The following GRIN3A variants were observed in gnomAD, a reference collection of about 807,000 sequenced individuals.
The protein encoded by GRIN3A is glutamate receptor ionotropic, NMDA 3A.
In GRIN3A, 47 loss-of-function variants were observed where a neutral mutation model predicts 92.4. That is an observed-to-expected ratio of 0.51 (90% CI 0.40 to 0.65). The LOEUF is 0.65. Ranked by LOEUF, GRIN3A falls within the 30% of genes least tolerant of loss-of-function variation. The pLI is 0.00. For synonymous variants in GRIN3A, 527 were observed against 540.6 expected (o/e 0.97, Z 0.35); for missense variants, 1,324 against 1,393.1 (o/e 0.95, Z 0.79).
chr9:101,630,489 A>G (rs1828696795), intron 3 of GRIN3A, among the ~76,000 whole-genome samples: 1 of 152,320 alleles, frequency 6.6e-6, no homozygotes, highest in African/African-American at 2.4e-5. Context: ...CTTTTTACAT[A>G]AAGAAACTGA....
intron 3 of GRIN3A, among the ~76,000 whole-genome samples, chr9:101,658,510 C>A (rs1419876099): frequency 6.6e-6 from 1 of 151,760 alleles, no homozygotes; most frequent in African/African-American, 2.4e-5. Context: ...GCCTTCAGGT[C>A]ATGCACAGAA....
Position 101,737,310 on chromosome 9 carries a change from C to T in GRIN3A, c.670G>A (p.Val224Met). ...CTCTCCCGTGGAAACTCGTGGCGCA[C>T]GATGCTGATCACTGGAATGTGCAGG... ...LVLHIPVISI[V>M]RHEFPRESQN... The change falls in exon 1 of 9, where the codon GTG becomes ATG. Residue 224 changes from valine to methionine, a missense_variant. By Grantham distance (21) the Val-to-Met change is conservative (BLOSUM62 1). Coordinates refer to ENST00000361820, the MANE Select transcript of GRIN3A (RefSeq NM_133445.3). 1 of 1,614,126 alleles carries T rather than the reference C, an allele frequency of 6.2e-7. No individual in the cohort carries two copies. Among genetic ancestry groups the T allele is most frequent in the East Asian group, 2.2e-5 (1 of 44,846 alleles).
rs1827786673 is a variant in GRIN3A at position 101,573,426 on chromosome 9, C to T, written c.3096G>A (p.Glu1032=). 6.2e-7 allele frequency: 1 copy of T among 1,613,924 alleles called. No individual in the cohort carries two copies. The highest frequency in any genetic ancestry group is 1.3e-5 in the African/African-American group (1 of 74,894). The change falls in exon 9 of 9, where the codon GAG becomes GAA. Residue 1032 remains glutamate (E), a synonymous_variant. Transcript: ENST00000361820. ...GGATGCCCAGCTGGTTTTGTCCTTCCTCATCACTAAAGATGTATTTCCGTC... is the reference window on the plus strand; with the variant it reads ...GGATGCCCAGCTGGTTTTGTCCTTCTTCATCACTAAAGATGTATTTCCGTC... ...DNRRKYIFSD[E]EGQNQLGIRI...
intron 3 of GRIN3A, among the ~76,000 whole-genome samples, chr9:101,629,516 G>A (rs890735297): frequency 6.6e-6 from 1 of 152,096 alleles, no homozygotes; most frequent in African/African-American, 2.4e-5. Context: ...TGCCATATAG[G>A]AACTCTTAAA....
chr9:101,724,086 C>G (rs946057074), intron 1 of GRIN3A, among the ~76,000 whole-genome samples: 27 of 152,342 alleles, frequency 1.8e-4, no homozygotes, highest in Admixed American at 1.8e-3. Flanking sequence ...GCAGGTGGAG[C>G]TGCCTGCCAG....
Position 101,670,646 on chromosome 9 carries a change from T to G in GRIN3A, c.1766A>C (p.Glu589Ala). The change falls in exon 3 of 9, where the codon GAA (glutamate) becomes GCA (alanine). Residue 589 changes from glutamate (E) to alanine (A), a missense_variant. Physicochemically the swap from Glu to Ala is moderately radical, Grantham distance 107. Transcript: ENST00000361820. ...YCIDLLEKIAEDMNFDFDLYI... is the reference protein window; with the variant it reads ...YCIDLLEKIAADMNFDFDLYI... Reference sequence around the variant, plus strand: ...GAGGTCGAAGTCAAAGTTCATGTCTTCTGCTATCTTTTCCAGCAGATCAAT... The same window carrying G: ...GAGGTCGAAGTCAAAGTTCATGTCTGCTGCTATCTTTTCCAGCAGATCAAT... 1 of 1,614,070 alleles carries G rather than the reference T, an allele frequency of 6.2e-7. No individual in the cohort carries two copies. The highest frequency in any genetic ancestry group is 8.5e-7 in the Non-Finnish European group (1 of 1,179,954).
intron 2 of GRIN3A, among the ~76,000 whole-genome samples, chr9:101,672,294 T>A (rs12348469): frequency 0.33 from 50,861 of 152,084 alleles, 9,436 homozygotes; most frequent in Non-Finnish European, 0.41. Flanking sequence ...TACATCTAAC[T>A]TGGAACAAAT....
intron 6 of GRIN3A, among the ~76,000 whole-genome samples, chr9:101,605,458 C>T (rs1166328744): frequency 6.6e-6 from 1 of 152,166 alleles, no homozygotes; most frequent in African/African-American, 2.4e-5. Flanking sequence ...TACTTTTGCA[C>T]CTATACCATG....
intron 4 of GRIN3A, among the ~76,000 whole-genome samples, chr9:101,625,217 GA>G (rs1369908874): frequency 2.6e-5 from 4 of 151,888 alleles, no homozygotes; most frequent in African/African-American, 9.7e-5. Context: ...TGAAAAAAAA[GA>G]AAGGATTTTC....
chr9:101,618,824 A>G (rs1455122547), intron 5 of GRIN3A, among the ~76,000 whole-genome samples: 1 of 152,214 alleles, frequency 6.6e-6, no homozygotes, highest in Non-Finnish European at 1.5e-5. Flanking sequence ...TTGGTCAAAG[A>G]ATTCTCATTT....
At chr9:101,642,221 T>G (rs1429253433) in intron 3 of GRIN3A, among the ~76,000 whole-genome samples, 1 of 152,076 alleles carries the variant, frequency 6.6e-6, no homozygotes, top group Non-Finnish European at 1.5e-5. Flanking sequence ...GAATACACAA[T>G]AGTGAAAGGA....
chr9:101,702,650 C>G (rs1054549092), intron 1 of GRIN3A, among the ~76,000 whole-genome samples: 1 of 152,138 alleles, frequency 6.6e-6, no homozygotes, highest in Admixed American at 6.5e-5. Context: ...CATCTATACC[C>G]CTTATTCTTC....
intron 2 of GRIN3A, among the ~76,000 whole-genome samples, chr9:101,674,725 G>T (rs1423285652): frequency 6.6e-6 from 1 of 152,062 alleles, no homozygotes; most frequent in Non-Finnish European, 1.5e-5. Context: ...TCAGATAACT[G>T]CTCCAGCCTG....
chr9:101,653,249 C>A (rs1348061276), intron 3 of GRIN3A, among the ~76,000 whole-genome samples: 1 of 151,804 alleles, frequency 6.6e-6, no homozygotes, highest in Non-Finnish European at 1.5e-5. Context: ...TATATTGAAG[C>A]ATTTAGTGCA....
At position 101,613,679 on chromosome 9, in the gene GRIN3A, A is replaced by C. The variant is rs1024694515; in HGVS notation, c.2615-152T>G. 1.1e-4 allele frequency: 81 copies of C among 737,122 alleles called. No homozygotes were observed. The Admixed American group carries it at 1.6e-3, about 14-fold the overall frequency. 45.7% of individuals were successfully genotyped at this position (737,122 alleles called of 1,614,324 possible). On this transcript the variant is annotated intron_variant, in intron 5 of 8. Transcript: ENST00000361820. Reference sequence around the variant, plus strand: ...TTTCAAAGCACTCAAAGACATTCCTAGTCATGATTACCCTTAAATCAGCTG... The same window carrying C: ...TTTCAAAGCACTCAAAGACATTCCTCGTCATGATTACCCTTAAATCAGCTG...
At position 101,670,658 on chromosome 9, in the gene GRIN3A, T is replaced by C. The variant is rs1315065667; in HGVS notation, c.1754A>G (p.Glu585Gly). The C allele has an allele frequency of 6.2e-7, 1 of 1,613,914 alleles. No individual in the cohort carries two copies. The highest frequency in any genetic ancestry group is 1.1e-5 in the South Asian group (1 of 91,076). ...CCYGYCIDLL[E>G]KIAEDMNFDF... ...AAAGTTCATGTCTTCTGCTATCTTT[T>C]CCAGCAGATCAATGCAATATCCATA... The change falls in exon 3 of 9, where the codon GAA becomes GGA. Residue 585 changes from glutamate to glycine, a missense_variant. Transcript: ENST00000361820.
rs35988009 is a variant in GRIN3A at position 101,610,619 on chromosome 9, A to ATCTATCTATCTATCTATCTATG, written c.2766+2756_2766+2757insCATAGATAGATAGATAGATAGA. Among the ~76,000 whole-genome samples the ATCTATCTATCTATCTATCTATG allele has an allele frequency of 6.2e-4, 93 of 150,508 alleles. 1 individual carries two copies. The highest frequency in any genetic ancestry group is 8.6e-4 in the Admixed American group (13 of 15,076). Reference sequence around the variant, plus strand: ...TATCTATCTATCTATCTATCTATCTATCTATCATCTATCTATCTACATTTT... The same window carrying ATCTATCTATCTATCTATCTATG: ...TATCTATCTATCTATCTATCTATCTATCTATCTATCTATCTATCTATGTCTATCATCTATCTATCTACATTTT... On this transcript the variant is annotated intron_variant, in intron 6 of 8. Coordinates refer to ENST00000361820, the MANE Select transcript of GRIN3A (RefSeq NM_133445.3).
chr9:101,587,480 A>G lies in GRIN3A; in HGVS notation c.2767-8120T>C, dbSNP rs139015607. Among the ~76,000 whole-genome samples the G allele has an allele frequency of 1.2e-4, 18 of 152,252 alleles. No homozygotes were observed. The East Asian group carries it at 3.1e-3, about 26-fold the overall frequency. On this transcript the variant is annotated intron_variant, in intron 6 of 8. Coordinates refer to ENST00000361820, the MANE Select transcript of GRIN3A (RefSeq NM_133445.3). ...TGAACGGGTGGAGCCTGTTTTAGGA[A>G]GTCTTCTCTGACAGGGTAAGGCTGT...
chr9:101,587,338 G>A (rs1308284799), intron 6 of GRIN3A, among the ~76,000 whole-genome samples: 1 of 151,424 alleles, frequency 6.6e-6, no homozygotes, highest in East Asian at 1.9e-4. Context: ...TCTGTTGCTT[G>A]CAACCAAATA....
Sources: gnomAD v4.1 joint callset for allele counts (sites outside exome capture counted in the v4.1 genomes callset) on GRCh38, gnomAD v4.1.1 for gene constraint, MANE v1.5 for transcripts, NCBI Gene and HGNC (gene_info 2026-07-23, HGNC 2026-07-21) for gene names.